SBF2: variants seen among roughly 807,000 people sequenced by gnomAD.
The protein encoded by SBF2 is SET binding factor 2.
In SBF2, 112 loss-of-function variants were observed where a neutral mutation model predicts 225.2. The observed-to-expected ratio is 0.50, with a 90% CI of 0.43 to 0.58. SBF2 has a LOEUF of 0.58. SBF2 is among the 20% of genes least tolerant of loss of function. The probability of loss-of-function intolerance (pLI) is 0.00; values close to 1 mark genes in which losing one functional copy is unlikely to be tolerated. For synonymous variants in SBF2, 763 were observed against 773.3 expected (o/e 0.99, Z 0.22); for missense variants, 1,996 against 2,206.2 (o/e 0.90, Z 1.91).
intron 16 of SBF2, among the ~76,000 whole-genome samples, chr11:9,908,459 A>C (rs1862285550): frequency 6.6e-6 from 1 of 152,004 alleles, no homozygotes; most frequent in Non-Finnish European, 1.5e-5. Flanking sequence ...CCCCGTCTCT[A>C]CTAAAAATGC....
intron 2 of SBF2, among the ~76,000 whole-genome samples, chr11:10,079,928 G>C (rs1951291192): frequency 6.6e-6 from 1 of 152,002 alleles, no homozygotes; most frequent in South Asian, 2.1e-4. Flanking sequence ...GAGAGATTGA[G>C]ATTCTATTTT....
rs187031563 is a variant in SBF2, at chr11:9,958,560, G to A, written c.1860+3397C>T. 234 of 179,200 alleles carry A rather than the reference G, an allele frequency of 1.3e-3. 2 individuals are homozygous for A. The highest frequency in any genetic ancestry group is 5.1e-3 in the African/African-American group (213 of 41,956). The allele number at this position is 179,200 out of a possible 1,614,324, so 11.1% of individuals were successfully genotyped here. ...TTTTTAGTAGAGACGGGGTTTCACC[G>A]TGTTAGCCAGGATGGTCTCGATCTC... On this transcript the variant is annotated intron_variant, in intron 16 of 39. Coordinates refer to ENST00000256190, the MANE Select transcript of SBF2 (RefSeq NM_030962.4).
At chr11:10,108,997 T>C (rs934941956) in intron 2 of SBF2, among the ~76,000 whole-genome samples, 5 of 152,096 alleles carry the variant, frequency 3.3e-5, no homozygotes, top group African/African-American at 1.2e-4. Context: ...GAAGAAAGAA[T>C]AAGAGGAAAA....
chr11:10,133,701 T>C (rs1954209470), intron 2 of SBF2, among the ~76,000 whole-genome samples: 1 of 151,420 alleles, frequency 6.6e-6, no homozygotes, highest in Admixed American at 6.6e-5. Flanking sequence ...CACACCTCCC[T>C]GCAAGCTGAG....
chr11:10,082,694 A>T lies in SBF2; in HGVS notation c.142-39713T>A, dbSNP rs181730174. On this transcript the variant is annotated intron_variant, in intron 2 of 39. Transcript: ENST00000256190. ...TGATAAAATTCAGCATCCCTTTATA[A>T]TAAAAACCTTCAACAAAATAGGTAC... 4.6e-5 allele frequency among the ~76,000 whole-genome samples: 7 copies of T among 152,310 alleles called. No individual in the cohort carries two copies. The East Asian group carries it at 1.3e-3, about 29-fold the overall frequency.
At chr11:10,110,547 C>T (rs1247036188) in intron 2 of SBF2, among the ~76,000 whole-genome samples, 1 of 152,058 alleles carries the variant, frequency 6.6e-6, no homozygotes, top group African/African-American at 2.4e-5. Context: ...TTAATGATCA[C>T]AACAAAATTT....
intron 2 of SBF2, among the ~76,000 whole-genome samples, chr11:10,055,404 G>T (rs139576700): frequency 1.3e-5 from 2 of 152,076 alleles, no homozygotes; most frequent in South Asian, 2.1e-4. Context: ...AAAAGGAAAA[G>T]AATTCAGTAT....
chr11:10,220,450 A>G (rs1465345469), intron 1 of SBF2, among the ~76,000 whole-genome samples: 1 of 152,076 alleles, frequency 6.6e-6, no homozygotes. Flanking sequence ...CAGCACATAC[A>G]ACAAATCTGT....
intron 3 of SBF2, among the ~76,000 whole-genome samples, chr11:10,038,646 G>C (rs1391982943): frequency 6.6e-6 from 1 of 151,872 alleles, no homozygotes; most frequent in Non-Finnish European, 1.5e-5. Flanking sequence ...GAAGCCCACT[G>C]TGATGGAGAA....
intron 2 of SBF2, among the ~76,000 whole-genome samples, chr11:10,096,424 TAA>T (rs563258126): frequency 6.3e-5 from 8 of 126,052 alleles, no homozygotes; most frequent in Non-Finnish European, 1.2e-4. Flanking sequence ...CAAAGTTCTG[TAA>T]AAAAAAAAAA....
rs950064307 is a variant in SBF2, at chr11:10,096,724, C to G, written c.142-53743G>C. On this transcript the variant is annotated intron_variant, in intron 2 of 39. Transcript: ENST00000256190. ...AATGTCAAAAGGCACCTCAATAGTA[C>G]ATTTGTGACAATAATAATGCACTTT... 5.2e-4 allele frequency among the ~76,000 whole-genome samples: 79 copies of G among 152,126 alleles called. 1 individual carries two copies. The highest frequency in any genetic ancestry group is 1.3e-4 in the Non-Finnish European group (9 of 68,004).
chr11:10,184,623 C>A (rs1022648550), intron 2 of SBF2, among the ~76,000 whole-genome samples: 3 of 152,180 alleles, frequency 2.0e-5, no homozygotes, highest in African/African-American at 7.2e-5. Flanking sequence ...TCCTCCCTTT[C>A]CCCAGCCCCT....
At chr11:10,207,470 A>C (rs1024072958) in intron 1 of SBF2, among the ~76,000 whole-genome samples, 3 of 152,094 alleles carry the variant, frequency 2.0e-5, no homozygotes. Flanking sequence ...TGGTGTTCTG[A>C]TATCAGCTGG....
intron 16 of SBF2, among the ~76,000 whole-genome samples, chr11:9,949,268 T>C (rs2134319767): frequency 6.6e-6 from 1 of 152,318 alleles, no homozygotes; most frequent in East Asian, 1.9e-4. Flanking sequence ...AATAGTTTGT[T>C]CTCATACATT....
chr11:10,019,720 T>A (rs1948778372), intron 6 of SBF2, among the ~76,000 whole-genome samples: 1 of 151,526 alleles, frequency 6.6e-6, no homozygotes, highest in Non-Finnish European at 1.5e-5. Context: ...AAACAAGTAA[T>A]AATGCTATAT....
chr11:10,043,114 T>TA (rs1020496510), intron 2 of SBF2, 133 bp from the exon 3 acceptor site: 13 of 830,146 alleles, frequency 1.6e-5, no homozygotes, highest in East Asian at 2.7e-5. Flanking sequence ...AGCCAACATT[T>TA]AAAAAAAAGT....
chr11:10,249,219 C>T lies in SBF2; in HGVS notation c.55+44796G>A, dbSNP rs1054138929. On this transcript the variant is annotated intron_variant, in intron 1 of 39. Coordinates refer to ENST00000256190, the MANE Select transcript of SBF2 (RefSeq NM_030962.4). ...AGCACAACAGGGTTTTCTTAAAGCA[C>T]GAATCTGCTCTTTAACAAAAAAAAT... is the stretch of plus-strand genomic sequence containing the variant. 5.3e-5 allele frequency among the ~76,000 whole-genome samples: 8 copies of T among 150,676 alleles called. No individual in the cohort carries two copies. In the South Asian group the frequency reaches 6.3e-4, roughly 12 times the overall value.
chr11:10,015,075 A>C (rs1224033946), intron 6 of SBF2, among the ~76,000 whole-genome samples: 2 of 152,182 alleles, frequency 1.3e-5, no homozygotes, highest in Non-Finnish European at 2.9e-5. Flanking sequence ...TCGAGGCTAC[A>C]GTGAGCTGAG....
intron 2 of SBF2, among the ~76,000 whole-genome samples, chr11:10,070,753 T>C (rs1212259965): frequency 1.3e-5 from 2 of 152,240 alleles, no homozygotes; most frequent in Non-Finnish European, 2.9e-5. Context: ...CTTTGGGCCA[T>C]ATGGCCATTT....
Sources: allele counts gnomAD v4.1 joint callset (sites outside exome capture counted in the v4.1 genomes callset), GRCh38; gene constraint gnomAD v4.1.1; transcripts MANE v1.5; gene names NCBI Gene and HGNC (gene_info 2026-07-23, HGNC 2026-07-21).